The following CRPPA variants were observed in gnomAD, a reference collection of about 807,000 sequenced individuals.
CRPPA encodes D-ribitol-5-phosphate cytidylyltransferase.
Under a neutral mutation model 52.0 loss-of-function variants are expected in CRPPA, and 43 were observed. That is an observed-to-expected ratio of 0.83 (90% CI 0.65 to 1.07). The LOEUF (loss-of-function observed/expected upper bound fraction) is 1.07. CRPPA is among the 50% of genes least tolerant of loss of function. The pLI is 0.00. For missense variants in CRPPA, 629 were observed against 551.7 expected (o/e 1.14, Z -1.40); for synonymous variants, 250 against 203.5 (o/e 1.23, Z -1.94).
intron 9 of CRPPA, among the ~76,000 whole-genome samples, chr7:16,097,356 T>C (rs1224576829): frequency 2.0e-5 from 3 of 152,142 alleles, no homozygotes; most frequent in Non-Finnish European, 2.9e-5. Flanking sequence ...AAACGCAATA[T>C]AATATATGCA....
intron 9 of CRPPA, among the ~76,000 whole-genome samples, chr7:16,197,618 A>G (rs1781767023): frequency 6.6e-6 from 1 of 151,788 alleles, no homozygotes; most frequent in Admixed American, 6.6e-5. Context: ...GCTAAGCAAA[A>G]ATTGGTAAAT....
chr7:16,327,599 CAAAAAAAAAAAAAAAAAAA>C (rs71007762), intron 3 of CRPPA, among the ~76,000 whole-genome samples: 5 of 70,090 alleles, frequency 7.1e-5, no homozygotes, highest in Middle Eastern at 0.011. Flanking sequence ...GACTCCGTCT[CAAAAAAAAAAAAAAAAAAA>C]AAAAAAAAAG....
chr7:16,133,089 C>A (rs1782707315), intron 9 of CRPPA, among the ~76,000 whole-genome samples: 1 of 121,924 alleles, frequency 8.2e-6, no homozygotes, highest in African/African-American at 2.6e-5. Flanking sequence ...CTTGGGATGT[C>A]AAAGCACTTG....
chr7:16,108,766 C>G (rs1371921098), intron 9 of CRPPA, among the ~76,000 whole-genome samples: 1 of 151,784 alleles, frequency 6.6e-6, no homozygotes, highest in African/African-American at 2.4e-5. Context: ...TCTTTTCTGA[C>G]CACATAGTGT....
intron 1 of CRPPA, among the ~76,000 whole-genome samples, chr7:16,418,997 G>C (rs891982057): frequency 1.3e-5 from 2 of 152,304 alleles, no homozygotes; most frequent in African/African-American, 4.8e-5. Flanking sequence ...GACCCATTGT[G>C]TCCCACAGAA....
intron 3 of CRPPA, among the ~76,000 whole-genome samples, chr7:16,311,055 A>G (rs1482238620): frequency 6.6e-6 from 1 of 152,046 alleles, no homozygotes; most frequent in Non-Finnish European, 1.5e-5. Flanking sequence ...TTCATAGCAA[A>G]ATGGAGCAAA....
chr7:16,409,552 G>C (rs868454551), intron 1 of CRPPA, among the ~76,000 whole-genome samples: 14 of 152,154 alleles, frequency 9.2e-5, no homozygotes, highest in African/African-American at 3.4e-4. Context: ...TTTAGAGATA[G>C]TCTATTCTAG....
intron 9 of CRPPA, among the ~76,000 whole-genome samples, chr7:16,098,228 G>A (rs1379303614): frequency 2.6e-5 from 4 of 152,144 alleles, no homozygotes; most frequent in African/African-American, 4.8e-5. Flanking sequence ...AAGCTGAAAG[G>A]AAATCTCTTG....
At chr7:16,125,222 T>C (rs964291161) in intron 9 of CRPPA, among the ~76,000 whole-genome samples, 1 of 130,228 alleles carries the variant, frequency 7.7e-6, no homozygotes, top group Admixed American at 9.4e-5. Context: ...ATCATACCAC[T>C]GCACTCCAGC....
intron 9 of CRPPA, among the ~76,000 whole-genome samples, chr7:16,191,274 T>C (rs1781604611): frequency 6.6e-6 from 1 of 152,104 alleles, no homozygotes. Flanking sequence ...CCTTTCAACT[T>C]CTGAAATGCT....
At chr7:16,401,928 A>AGTTT (rs1231034099) in intron 2 of CRPPA, among the ~76,000 whole-genome samples, 1 of 152,216 alleles carries the variant, frequency 6.6e-6, no homozygotes, top group Non-Finnish European at 1.5e-5. Context: ...GGACTCAAAC[A>AGTTT]ATCACCTAAG....
chr7:16,125,780 A>G (rs1782567501), intron 9 of CRPPA, among the ~76,000 whole-genome samples: 1 of 152,066 alleles, frequency 6.6e-6, no homozygotes. Flanking sequence ...AAAAATTTTC[A>G]AGAAGCTCGA....
intron 8 of CRPPA, among the ~76,000 whole-genome samples, chr7:16,249,474 G>C (rs1783379893): frequency 1.3e-5 from 2 of 152,194 alleles, no homozygotes; most frequent in Non-Finnish European, 1.5e-5. Flanking sequence ...TCTCATACAG[G>C]AGAGCTCTGG....
intron 2 of CRPPA, among the ~76,000 whole-genome samples, chr7:16,383,941 C>T (rs1787185836): frequency 6.6e-6 from 1 of 152,226 alleles, no homozygotes; most frequent in African/African-American, 2.4e-5. Context: ...TGACCGCTTG[C>T]ACTTCTCGAG....
At chr7:16,160,752 C>T (rs534650602) in intron 9 of CRPPA, among the ~76,000 whole-genome samples, 17 of 152,170 alleles carry the variant, frequency 1.1e-4, no homozygotes, top group African/African-American at 2.2e-4. Flanking sequence ...AACTACTTTG[C>T]GCAGTATGGC....
At position 16,421,309 on chromosome 7, in the gene CRPPA, G is replaced by GGCCCGGCC; in HGVS notation, c.6_13dup (p.Pro5ArgfsTer17). 7.9e-7 allele frequency: 1 copy of GGCCCGGCC among 1,260,888 alleles called. No individual in the cohort carries two copies. The highest frequency in any genetic ancestry group is 1.0e-6 in the Non-Finnish European group (1 of 998,794). The allele number at this position is 1,260,888 out of a possible 1,614,324, so 78.1% of individuals were successfully genotyped here. ...CTCCGCCGGCCTGGCGCTGCCCGGC[G>GGCCCGGCC]GCCCGGCCTCCATGGCTGCGGGCGG... On this transcript the variant is annotated frameshift_variant, in exon 1 of 10. Transcript: ENST00000407010. LOFTEE classifies it high-confidence loss of function.
intron 9 of CRPPA, chr7:16,210,667 C>T (rs1229185605): frequency 2.6e-5 from 4 of 152,082 alleles, no homozygotes; most frequent in Non-Finnish European, 5.9e-5. Flanking sequence ...TTGATGGAGA[C>T]CCAGAGCTTG....
At chr7:16,095,160 T>C (rs1214567178) in intron 9 of CRPPA, among the ~76,000 whole-genome samples, 7 of 152,230 alleles carry the variant, frequency 4.6e-5, no homozygotes. Flanking sequence ...TTTTAATTGA[T>C]GACTATTTAC....
At chr7:16,403,262 T>C (rs1366533378) in intron 2 of CRPPA, among the ~76,000 whole-genome samples, 3 of 152,182 alleles carry the variant, frequency 2.0e-5, no homozygotes, top group Non-Finnish European at 2.9e-5. Context: ...TGCCTCCCTG[T>C]AGGGCCTGAC....
Sources: allele counts gnomAD v4.1 joint callset (sites outside exome capture counted in the v4.1 genomes callset), GRCh38; gene constraint gnomAD v4.1.1; transcripts MANE v1.5; gene names NCBI Gene and HGNC (gene_info 2026-07-23, HGNC 2026-07-21).